The following MALRD1 variants were observed in gnomAD, a reference collection of about 807,000 sequenced individuals.
The protein encoded by MALRD1 is MAM and LDL receptor class A domain containing 1.
A neutral mutation model predicts 242.1 loss-of-function variants in MALRD1; 247 were observed. The ratio of observed to expected loss-of-function variants is 1.02; its 90% CI spans 0.92 to 1.13. The LOEUF (loss-of-function observed/expected upper bound fraction) is 1.13. Among genes scored for constraint, MALRD1 ranks in the 50% most tolerant of loss-of-function variants. The probability of loss-of-function intolerance (pLI) is 0.00; values close to 1 mark genes in which losing one functional copy is unlikely to be tolerated. For missense variants in MALRD1, 2,989 were observed against 2,533.1 expected (o/e 1.18, Z -3.86); for synonymous variants, 995 against 866.6 (o/e 1.15, Z -2.60).
Position 19,196,322 on chromosome 10 carries a change from C to A in MALRD1, c.1952-7406C>A, listed in dbSNP as rs117999847. Among the ~76,000 whole-genome samples, 395 of 152,188 alleles carry A rather than the reference C, an allele frequency of 2.6e-3. 1 individual carries two copies. The highest frequency in any genetic ancestry group is 4.8e-3 in the Non-Finnish European group (328 of 68,004). On this transcript the variant is annotated intron_variant, in intron 14 of 39. Transcript: ENST00000454679. ...ATTACTCAAAAGAATTCACTGTATT[C>A]ACTTTCTTTAAACTTTCTCTTCTGA...
chr10:19,385,461 A>G (rs1238218193), intron 26 of MALRD1, among the ~76,000 whole-genome samples: 3 of 152,042 alleles, frequency 2.0e-5, no homozygotes, highest in African/African-American at 7.2e-5. Context: ...CTTATGATTC[A>G]GTCTTAGTAG....
At chr10:19,547,513 A>G (rs1291741912) in intron 32 of MALRD1, among the ~76,000 whole-genome samples, 1 of 151,722 alleles carries the variant, frequency 6.6e-6, no homozygotes, top group Admixed American at 6.6e-5. Flanking sequence ...TGAAATTATT[A>G]TTTTTTTAAT....
At chr10:19,259,428 G>C (rs905893505) in intron 19 of MALRD1, among the ~76,000 whole-genome samples, 1 of 152,062 alleles carries the variant, frequency 6.6e-6, no homozygotes, top group Non-Finnish European at 1.5e-5. Context: ...ATGGCTGTGA[G>C]GGCCTCACAA....
At chr10:19,478,527 G>T (rs1177783780) in intron 29 of MALRD1, among the ~76,000 whole-genome samples, 8 of 151,954 alleles carry the variant, frequency 5.3e-5, no homozygotes, top group Non-Finnish European at 1.0e-4. Flanking sequence ...CACGTGAAAA[G>T]GTACCCTTAA....
intron 34 of MALRD1, among the ~76,000 whole-genome samples, chr10:19,605,073 A>C (rs1369613183): frequency 6.6e-6 from 1 of 152,114 alleles, no homozygotes; most frequent in African/African-American, 2.4e-5. Flanking sequence ...AAATGATTTA[A>C]ACATTTGGGA....
chr10:19,466,830 A>G (rs1034263647), intron 29 of MALRD1, among the ~76,000 whole-genome samples: 1 of 152,180 alleles, frequency 6.6e-6, no homozygotes, highest in Admixed American at 6.5e-5. Flanking sequence ...AGGTAATTTT[A>G]TACAATATTT....
At chr10:19,060,580 A>C (rs1834795099) in intron 1 of MALRD1, among the ~76,000 whole-genome samples, 1 of 151,974 alleles carries the variant, frequency 6.6e-6, no homozygotes, top group African/African-American at 2.4e-5. Context: ...TCCAATTCTA[A>C]TTCTATGGAG....
intron 28 of MALRD1, among the ~76,000 whole-genome samples, chr10:19,420,733 A>T (rs1768812599): frequency 6.6e-6 from 1 of 152,184 alleles, no homozygotes; most frequent in Non-Finnish European, 1.5e-5. Flanking sequence ...TGTAAAATTT[A>T]AAAAATGCAT....
At chr10:19,139,795 C>T (rs1833477636) in intron 10 of MALRD1, among the ~76,000 whole-genome samples, 1 of 152,170 alleles carries the variant, frequency 6.6e-6, no homozygotes, top group African/African-American at 2.4e-5. Context: ...AAATGCAGAA[C>T]CTCAGGCCCT....
At chr10:19,083,036 C>T (rs766347319) in intron 2 of MALRD1, among the ~76,000 whole-genome samples, 1 of 151,928 alleles carries the variant, frequency 6.6e-6, no homozygotes, top group Admixed American at 6.6e-5. Context: ...AAGCAAATCT[C>T]GAGGCCTTCT....
At chr10:19,085,600 A>T (rs1310586461) in intron 2 of MALRD1, among the ~76,000 whole-genome samples, 1 of 151,960 alleles carries the variant, frequency 6.6e-6, no homozygotes, top group African/African-American at 2.4e-5. Flanking sequence ...TGAATATTTG[A>T]TAAAATACAG....
intron 33 of MALRD1, among the ~76,000 whole-genome samples, chr10:19,586,907 G>T (rs576243828): frequency 1.5e-4 from 23 of 152,352 alleles, no homozygotes; most frequent in African/African-American, 3.6e-4. Flanking sequence ...CTCCGAGCCA[G>T]GTGTGGGATA....
Position 19,389,073 on chromosome 10 carries a change from A to C in MALRD1, c.4688-379A>C, listed in dbSNP as rs1031617018. 22 of 350,876 alleles carry C rather than the reference A, an allele frequency of 6.3e-5. 1 individual carries two copies. The highest frequency in any genetic ancestry group is 4.9e-4 in the South Asian group (22 of 45,134). The allele number at this position is 350,876 out of a possible 1,614,324, so 21.7% of individuals were successfully genotyped here. On this transcript the variant is annotated intron_variant, in intron 27 of 39. Coordinates refer to ENST00000454679, the MANE Select transcript of MALRD1 (RefSeq NM_001142308.3). ...TATTTACACACTCAAGAGATGACTA[A>C]ATTTTTAAAAGCAGACCATATCACT... is the stretch of plus-strand genomic sequence containing the variant.
intron 28 of MALRD1, among the ~76,000 whole-genome samples, chr10:19,394,649 C>T (rs1846497367): frequency 6.6e-6 from 1 of 152,182 alleles, no homozygotes; most frequent in Non-Finnish European, 1.5e-5. Context: ...CACGCATATT[C>T]ACCACTGCCA....
At chr10:19,300,539 C>T (rs997395521) in intron 21 of MALRD1, among the ~76,000 whole-genome samples, 3 of 151,740 alleles carry the variant, frequency 2.0e-5, no homozygotes, top group African/African-American at 7.3e-5. Context: ...GGTTAAAGAA[C>T]CCAGAAATAA....
At chr10:19,084,838 A>G (rs1185645090) in intron 2 of MALRD1, among the ~76,000 whole-genome samples, 1 of 152,052 alleles carries the variant, frequency 6.6e-6, no homozygotes, top group African/African-American at 2.4e-5. Context: ...ATTTAAGACT[A>G]TAAATGAAAT....
At chr10:19,636,909 A>C (rs183441223) in intron 36 of MALRD1, among the ~76,000 whole-genome samples, 123 of 151,950 alleles carry the variant, frequency 8.1e-4, no homozygotes, top group Non-Finnish European at 1.4e-3. Context: ...AAAAAAAAAA[A>C]AAAACGCAGA....
rs144579446 is a variant in MALRD1 at position 19,709,931 on chromosome 10, T to A, written c.6314+17377T>A. ...TGGAAAGTAGGGACAGTATTGTGCG[T>A]CTTGCATCTTCCCTAACACATTGTG... On this transcript the variant is annotated intron_variant, in intron 38 of 39. Transcript: ENST00000454679. Among the ~76,000 whole-genome samples the A allele has an allele frequency of 1.8e-3, 271 of 152,252 alleles. 1 individual carries two copies. The highest frequency in any genetic ancestry group is 6.2e-3 in the African/African-American group (257 of 41,546).
chr10:19,575,241 C>T (rs1836749982), intron 33 of MALRD1, among the ~76,000 whole-genome samples: 1 of 152,166 alleles, frequency 6.6e-6, no homozygotes, highest in South Asian at 2.1e-4. Flanking sequence ...TTGGTATAAG[C>T]AAGACCCAGT....
Sources: gnomAD v4.1 joint callset for allele counts (sites outside exome capture counted in the v4.1 genomes callset) on GRCh38, gnomAD v4.1.1 for gene constraint, MANE v1.5 for transcripts, NCBI Gene and HGNC (gene_info 2026-07-23, HGNC 2026-07-21) for gene names.